GPR89B: variants seen among roughly 807,000 people sequenced by gnomAD.
GPR89B encodes the protein G protein-coupled receptor 89B.
GPR89B carries 25 observed loss-of-function variants against 52.4 expected under a neutral mutation model. That is an observed-to-expected ratio of 0.48 (90% CI 0.35 to 0.67). The LOEUF (loss-of-function observed/expected upper bound fraction) is 0.67, where lower values mean the gene tolerates loss of function less well. Among genes scored for constraint, GPR89B ranks in the 30% least tolerant of loss-of-function variants. The pLI is 0.01. For synonymous variants in GPR89B, 52 were observed against 151.2 expected, an observed-to-expected ratio of 0.34 and a Z score of 4.81; for missense variants, 146 against 450.2, an observed-to-expected ratio of 0.32 and a Z score of 6.11.
At chr1:147,992,445 T>A (rs1659137028) in intron 12 of GPR89B, 57 bp from the exon 13 acceptor site, 2 of 1,585,772 alleles carry the variant, frequency 1.3e-6, no homozygotes, top group South Asian at 2.2e-5. Flanking sequence ...TTTCTTACTG[T>A]TCGTGACACA....
chr1:147,969,750 T>G (rs1363534018), intron 9 of GPR89B, 117 bp from the exon 10 acceptor site: 1 of 1,469,984 alleles, frequency 6.8e-7, no homozygotes, highest in African/African-American at 1.5e-5. Flanking sequence ...TTAATATTAT[T>G]GCAATGTATG....
intron 3 of GPR89B, among the ~76,000 whole-genome samples, chr1:147,939,736 G>A (rs1220957053): frequency 2.0e-5 from 3 of 152,182 alleles, no homozygotes; most frequent in Non-Finnish European, 4.4e-5. Flanking sequence ...AGTGGCTCAC[G>A]CCTATAATCC....
chr1:148,024,053 C>T, the GPR89B span, among the ~76,000 whole-genome samples: 1 of 147,576 alleles, frequency 6.8e-6, no homozygotes, highest in Non-Finnish European at 1.5e-5. Flanking sequence ...TTTTCTTCTA[C>T]ACTTTTTCTG....
chr1:148,019,577 TTAAAA>T, the GPR89B span, among the ~76,000 whole-genome samples: 2 of 151,412 alleles, frequency 1.3e-5, no homozygotes, highest in East Asian at 1.9e-4. Context: ...TACCCTGAAC[TTAAAA>T]TAAAAGTTGG....
chr1:147,981,096 A>G (rs1198728769), intron 10 of GPR89B, among the ~76,000 whole-genome samples: 11 of 151,368 alleles, frequency 7.3e-5, no homozygotes, highest in African/African-American at 2.7e-4. Flanking sequence ...GAGTCTCACT[A>G]TATTGCCCAG....
At chr1:147,977,950 A>G (rs1425259647) in intron 10 of GPR89B, among the ~76,000 whole-genome samples, 4 of 151,918 alleles carry the variant, frequency 2.6e-5, no homozygotes, top group African/African-American at 9.7e-5. Context: ...TTGCTCAGCA[A>G]AGTTTGTTAC....
intron 3 of GPR89B, among the ~76,000 whole-genome samples, chr1:147,942,346 C>T (rs1454433498): frequency 1.4e-5 from 2 of 145,762 alleles, no homozygotes; most frequent in African/African-American, 5.0e-5. Context: ...GAAACTGGAA[C>T]TCTCATACAC....
rs1232733630 is a variant in GPR89B, at chr1:147,983,811, G to T, written c.910-2388G>T. Among the ~76,000 whole-genome samples, 562 of 152,088 alleles carry T rather than the reference G, an allele frequency of 3.7e-3. 2 individuals are homozygous for T. Among genetic ancestry groups the T allele is most frequent in the African/African-American group, 0.013 (531 of 41,466 alleles). The stretch of plus-strand genomic sequence containing the variant: ...AGAACTAGAAATACCATTTGACCCA[G>T]CCATCCCATTACTGGGTATATACCC... On this transcript the variant is annotated intron_variant, in intron 10 of 13. Transcript: ENST00000314163.
chr1:148,009,629 C>T, the GPR89B span: 3 of 1,067,032 alleles, frequency 2.8e-6, no homozygotes, highest in Non-Finnish European at 4.1e-6. Flanking sequence ...TTTAATAACC[C>T]TCTGCCAACT....
Position 147,940,130 on chromosome 1 carries a change from G to A in GPR89B, c.206+1313G>A, listed in dbSNP as rs4950507. Among the ~76,000 whole-genome samples, 812 of 148,720 alleles carry A rather than the reference G, an allele frequency of 5.5e-3. 10 individuals carry two copies. The highest frequency in any genetic ancestry group is 8.6e-3 in the Non-Finnish European group (562 of 65,526). On this transcript the variant is annotated intron_variant, in intron 3 of 13. Coordinates refer to ENST00000314163, the MANE Select transcript of GPR89B (RefSeq NM_016334.5). ...TTAATAATCCAAACCTTGGCCGGGC[G>A]CGGTGGCTCACGCCTGTAATCCCAG...
intron 4 of GPR89B, among the ~76,000 whole-genome samples, 199 bp from the exon 5 acceptor site, chr1:147,943,798 G>A (rs1553249319): frequency 2.0e-5 from 3 of 152,156 alleles, no homozygotes; most frequent in African/African-American, 7.2e-5. Flanking sequence ...GTCTCCGTTA[G>A]TTCATCCCAC....
chr1:147,932,560 A>G (rs1553247208), intron 1 of GPR89B, among the ~76,000 whole-genome samples: 1 of 151,982 alleles, frequency 6.6e-6, no homozygotes, highest in African/African-American at 2.4e-5. Flanking sequence ...ACTCTCCTCA[A>G]AGCTCCCTTT....
chr1:147,999,426 G>A, the GPR89B span, among the ~76,000 whole-genome samples: 2 of 147,332 alleles, frequency 1.4e-5, no homozygotes. Flanking sequence ...GGCCAACATG[G>A]TAAAACTACT....
chr1:147,954,437 T>TA (rs1655950996), intron 7 of GPR89B, 35 bp downstream of exon 7: 5 of 238,026 alleles, frequency 2.1e-5, no homozygotes, highest in Non-Finnish European at 4.0e-5. Flanking sequence ...TTTGGACTCT[T>TA]ACAATTTCTC....
chr1:147,944,863 T>C (rs1160876191), intron 5 of GPR89B, among the ~76,000 whole-genome samples: 3 of 151,252 alleles, frequency 2.0e-5, no homozygotes, highest in East Asian at 1.9e-4. Flanking sequence ...GTAATAAATA[T>C]ACTACAGGTT....
At chr1:147,995,656 T>C, downstream of GPR89B, 2 of 1,609,586 alleles carry the variant, frequency 1.2e-6, no homozygotes, top group Non-Finnish European at 1.7e-6. Context: ...CTTTAGAATC[T>C]GGAGGGGTGT....
rs1269422854 is a variant in GPR89B, at chr1:147,993,296, A to G, written c.*379A>G. The G allele has an allele frequency of 3.0e-5, 11 of 368,620 alleles. No homozygotes were observed. Among genetic ancestry groups the G allele is most frequent in the Non-Finnish European group, 5.6e-5 (11 of 195,410 alleles). 22.8% of individuals were successfully genotyped at this position (368,620 alleles called of 1,614,324 possible). A position where few individuals can be genotyped will look rare whatever the true frequency, so the allele number is the denominator to read the frequency against. On this transcript the variant is annotated 3_prime_UTR_variant, in exon 14 of 14. Coordinates refer to ENST00000314163, the MANE Select transcript of GPR89B (RefSeq NM_016334.5). ...TTTTAAGGTTCACATGGAAAAGGTT[A>G]TAGCTTTGCCTTGAGATTGACTCAT...
chr1:147,995,164 A>G (rs1477699929), downstream of GPR89B, among the ~76,000 whole-genome samples: 1 of 151,638 alleles, frequency 6.6e-6, no homozygotes, highest in Non-Finnish European at 1.5e-5. Context: ...ACTTTAATAT[A>G]GTTAATCTTA....
intron 5 of GPR89B, among the ~76,000 whole-genome samples, chr1:147,946,341 T>A (rs1422930735): frequency 6.6e-6 from 1 of 152,124 alleles, no homozygotes; most frequent in African/African-American, 2.4e-5. Flanking sequence ...GTTTAATACG[T>A]GTTCTTTGAA....
Sources: gnomAD v4.1 joint callset for allele counts (sites outside exome capture counted in the v4.1 genomes callset) on GRCh38, gnomAD v4.1.1 for gene constraint, MANE v1.5 for transcripts, NCBI Gene and HGNC (gene_info 2026-07-23, HGNC 2026-07-21) for gene names.